FXR1: variants seen among roughly 807,000 people sequenced by gnomAD.
FXR1 encodes RNA-binding protein FXR1.
FXR1 carries 15 observed loss-of-function variants against 84.0 expected under a neutral mutation model. The ratio of observed to expected loss-of-function variants is 0.18; its 90% CI spans 0.12 to 0.27. FXR1 has a LOEUF of 0.27. FXR1 is among the 10% of genes least tolerant of loss of function. The pLI is 1.00. For missense variants in FXR1, 480 were observed against 774.4 expected, an observed-to-expected ratio of 0.62 and a Z score of 4.51; for synonymous variants, 245 against 250.7, an observed-to-expected ratio of 0.98 and a Z score of 0.21.
chr3:180,914,718 A>G, intron 1 of FXR1: 5 of 811,006 alleles, frequency 6.2e-6, no homozygotes, highest in African/African-American at 1.9e-5. Flanking sequence ...ATCTCTATAC[A>G]TATCTACAAT....
At chr3:180,974,011 A>G (rs952253716) in intron 15 of FXR1, among the ~76,000 whole-genome samples, 3 of 152,202 alleles carry the variant, frequency 2.0e-5, no homozygotes, top group Non-Finnish European at 2.9e-5. Context: ...CATTCTTTAC[A>G]TAATTAACTT....
chr3:180,936,345 C>T (rs1484457653), intron 3 of FXR1, among the ~76,000 whole-genome samples: 1 of 152,036 alleles, frequency 6.6e-6, no homozygotes, highest in East Asian at 1.9e-4. Flanking sequence ...TCAGTTCACT[C>T]CAACCTCCTC....
chr3:180,953,021 T>C (rs1722389006), intron 8 of FXR1, among the ~76,000 whole-genome samples: 1 of 152,062 alleles, frequency 6.6e-6, no homozygotes, highest in Admixed American at 6.5e-5. Flanking sequence ...ATCTGTATAT[T>C]TTGTAGAGAT....
intron 15 of FXR1, 103 bp from the exon 16 acceptor site, chr3:180,975,210 T>G: frequency 2.2e-6 from 1 of 451,504 alleles, no homozygotes; most frequent in Non-Finnish European, 4.0e-6. Flanking sequence ...ATTTTGACAC[T>G]GGGTGACCCA....
intron 13 of FXR1, among the ~76,000 whole-genome samples, chr3:180,964,848 A>G (rs954131460): frequency 1.3e-5 from 2 of 151,762 alleles, no homozygotes; most frequent in African/African-American, 4.8e-5. Context: ...ATAATGTCTT[A>G]AAATTGATGG....
chr3:180,963,083 C>A lies in FXR1; in HGVS notation c.1191C>A (p.Ser397=). 2 of 1,468,226 alleles carry A rather than the reference C, an allele frequency of 1.4e-6. No individual in the cohort carries two copies. The highest frequency in any genetic ancestry group is 1.9e-6 in the Non-Finnish European group (2 of 1,074,540). The allele number at this position is 1,468,226 out of a possible 1,614,324, so 90.9% of individuals were successfully genotyped here. A position where few individuals can be genotyped will look rare whatever the true frequency, so the allele number is the denominator to read the frequency against. Residue 397 remains serine (S), a synonymous_variant, in exon 13 of 17, where the codon TCC becomes TCA. Transcript: ENST00000357559. The stretch of plus-strand genomic sequence containing the variant: ...GTCGTCGGGGACCTAATTACACCTC[C>A]GGTTATGGTAAAAAAAAATTTTTTT... The part of the protein sequence containing the change: ...GRGRRGPNYT[S]GYGTNSELSN...
chr3:180,932,338 T>C (rs1262562471), intron 1 of FXR1, among the ~76,000 whole-genome samples: 13 of 152,172 alleles, frequency 8.5e-5, no homozygotes, highest in Admixed American at 8.5e-4. Context: ...TACACCATGG[T>C]TGAAAGTGTG....
chr3:180,930,494 A>G lies in FXR1; in HGVS notation c.52-2840A>G, dbSNP rs564261871. 3.3e-5 allele frequency among the ~76,000 whole-genome samples: 5 copies of G among 152,348 alleles called. No homozygotes were observed. The East Asian group carries it at 5.8e-4, about 18-fold the overall frequency. Reference sequence around the variant, plus strand: ...GAGTTCTGATTTGAACTAATCCACTATGAATTATACAGAGACTAGAAAGAT... The same window carrying G: ...GAGTTCTGATTTGAACTAATCCACTGTGAATTATACAGAGACTAGAAAGAT... On this transcript the variant is annotated intron_variant, in intron 1 of 16. Transcript: ENST00000357559.
chr3:180,964,823 T>C (rs1712610076), intron 13 of FXR1, among the ~76,000 whole-genome samples: 2 of 151,688 alleles, frequency 1.3e-5, no homozygotes, highest in South Asian at 4.1e-4. Flanking sequence ...ATTTTCTTTT[T>C]TAATGGCACA....
chr3:180,946,936 T>C (rs963766991), intron 3 of FXR1, among the ~76,000 whole-genome samples: 1 of 152,212 alleles, frequency 6.6e-6, no homozygotes, highest in African/African-American at 2.4e-5. Flanking sequence ...TTAAAGAAGC[T>C]CTGCTGTGTC....
Position 180,968,159 on chromosome 3 carries a change from G to A in FXR1, c.1307G>A (p.Arg436His), listed in dbSNP as rs374389670. 35 of 1,613,530 alleles carry A rather than the reference G, an allele frequency of 2.2e-5. No homozygotes were observed. The highest frequency in any genetic ancestry group is 6.7e-5 in the East Asian group (3 of 44,882). ...GATGATCGAGACAGCCGACATCAGC[G>A]TGACAGCAGGAGACGCCCAGGAGGA... is the stretch of plus-strand genomic sequence containing the variant. ...GEDDRDSRHQ[R>H]DSRRRPGGRG... Residue 436 changes from arginine (R) to histidine (H), a missense_variant, in exon 14 of 17, where the codon CGT (arginine) becomes CAT (histidine). Transcript: ENST00000357559.
chr3:180,958,777 C>T (rs916452695), intron 10 of FXR1, among the ~76,000 whole-genome samples: 2 of 150,264 alleles, frequency 1.3e-5, no homozygotes, highest in Non-Finnish European at 3.0e-5. Context: ...TACACTTTTA[C>T]ATTGCTATAG....
chr3:180,951,579 A>G (rs536907868), intron 8 of FXR1, 111 bp downstream of exon 8: 23 of 767,592 alleles, frequency 3.0e-5, no homozygotes, highest in Admixed American at 2.5e-4. Flanking sequence ...GGTAGAATTT[A>G]TTCAATTAGC....
At chr3:180,960,736 AT>A (rs775989306) in intron 10 of FXR1, among the ~76,000 whole-genome samples, 83 of 152,218 alleles carry the variant, frequency 5.5e-4, no homozygotes, top group Non-Finnish European at 1.1e-3. Flanking sequence ...AAGTGCTAGG[AT>A]TACAGGTGTG....
intron 1 of FXR1, among the ~76,000 whole-genome samples, chr3:180,920,207 T>G (rs886124441): frequency 2.6e-5 from 4 of 152,198 alleles, no homozygotes; most frequent in Non-Finnish European, 5.9e-5. Context: ...TAGCTGTTTT[T>G]GGTTCCCTTT....
intron 1 of FXR1, among the ~76,000 whole-genome samples, chr3:180,917,556 A>G (rs1718044117): frequency 6.6e-6 from 1 of 152,206 alleles, no homozygotes; most frequent in Non-Finnish European, 1.5e-5. Context: ...AATGATCACA[A>G]CAGCTTTTAT....
At position 180,980,231 on chromosome 3, in the gene FXR1, A is replaced by T. The variant is rs944795970; in HGVS notation, c.*3939A>T. 1 of 152,088 alleles carries T rather than the reference A, an allele frequency of 6.6e-6. No homozygotes were observed. Among genetic ancestry groups the T allele is most frequent in the Non-Finnish European group, 1.5e-5 (1 of 67,964 alleles). The allele number at this position is 152,088 out of a possible 1,614,324, so 9.4% of individuals were successfully genotyped here. A position where few individuals can be genotyped will look rare whatever the true frequency, so the allele number is the denominator to read the frequency against. On this transcript the variant is annotated 3_prime_UTR_variant, in exon 17 of 17. Transcript: ENST00000357559. Reference sequence around the variant, plus strand: ...TAAGTGGTGTTTGTTTTACATATGTATCCATCCCAGACATTTTCAACTATG... The same window carrying T: ...TAAGTGGTGTTTGTTTTACATATGTTTCCATCCCAGACATTTTCAACTATG...
At chr3:180,972,584 C>A (rs1713718644) in intron 15 of FXR1, among the ~76,000 whole-genome samples, 1 of 152,124 alleles carries the variant, frequency 6.6e-6, no homozygotes, top group Non-Finnish European at 1.5e-5. Flanking sequence ...TATATTACAA[C>A]ATTTATTAAC....
intron 3 of FXR1, among the ~76,000 whole-genome samples, chr3:180,944,349 C>T (rs545014432): frequency 1.6e-3 from 233 of 150,006 alleles, no homozygotes; most frequent in Non-Finnish European, 2.6e-3. Context: ...GAGACAGGGT[C>T]TCGCTCTGTC....
Sources: gnomAD v4.1 joint callset for allele counts (sites outside exome capture counted in the v4.1 genomes callset) on GRCh38, gnomAD v4.1.1 for gene constraint, MANE v1.5 for transcripts, NCBI Gene and HGNC (gene_info 2026-07-23, HGNC 2026-07-21) for gene names.